The following ADAMTSL1 variants were observed in gnomAD, a reference collection of about 807,000 sequenced individuals.
ADAMTSL1 encodes the protein ADAMTS like 1.
A neutral mutation model predicts 201.8 loss-of-function variants in ADAMTSL1; 126 were observed. The observed-to-expected ratio is 0.62, with a 90% confidence interval of 0.54 to 0.72. The LOEUF is 0.72. ADAMTSL1 is among the 30% of genes least tolerant of loss of function. The probability of loss-of-function intolerance (pLI) is 0.00; values close to 1 mark genes in which losing one functional copy is unlikely to be tolerated. For synonymous variants in ADAMTSL1, 1,121 were observed against 903.4 expected, an observed-to-expected ratio of 1.24 and a Z score of -4.32; for missense variants, 2,679 against 2,277.8, an observed-to-expected ratio of 1.18 and a Z score of -3.59.
intron 4 of ADAMTSL1, among the ~76,000 whole-genome samples, chr9:18,616,833 A>T (rs1286750544): frequency 6.6e-6 from 1 of 152,154 alleles, no homozygotes; most frequent in Admixed American, 6.5e-5. Context: ...TCTTTTTATT[A>T]TTTAATGAAA....
At chr9:18,378,901 C>T (rs777610304) in intron 2 of ADAMTSL1, among the ~76,000 whole-genome samples, 2 of 152,112 alleles carry the variant, frequency 1.3e-5, no homozygotes, top group African/African-American at 4.8e-5. Context: ...GATAGAGTAA[C>T]GTCCTTGGAA....
At chr9:18,844,064 T>G (rs946665186) in intron 23 of ADAMTSL1, among the ~76,000 whole-genome samples, 3 of 152,258 alleles carry the variant, frequency 2.0e-5, no homozygotes, top group Non-Finnish European at 4.4e-5. Flanking sequence ...CCAGCTTTGT[T>G]CCATTGCTGG....
At chr9:18,348,065 A>C (rs1835802477) in intron 2 of ADAMTSL1, among the ~76,000 whole-genome samples, 1 of 152,224 alleles carries the variant, frequency 6.6e-6, no homozygotes, top group African/African-American at 2.4e-5. Context: ...CTTCCTTCCA[A>C]AATAGACCCG....
chr9:18,622,465 C>T (rs992147040), intron 5 of ADAMTSL1, 96 bp downstream of exon 5: 39 of 1,544,566 alleles, frequency 2.5e-5, no homozygotes, highest in Non-Finnish European at 3.2e-5. Context: ...ACAACACCTC[C>T]ACCAAAACGA....
At chr9:18,094,922 C>T (rs575456286) in intron 1 of ADAMTSL1, among the ~76,000 whole-genome samples, 1 of 152,226 alleles carries the variant, frequency 6.6e-6, no homozygotes, top group South Asian at 2.1e-4. Context: ...GCAAATGCCA[C>T]CTAAATCTAA....
intron 4 of ADAMTSL1, among the ~76,000 whole-genome samples, chr9:18,594,857 G>T (rs2132501671): frequency 6.6e-6 from 1 of 152,100 alleles, no homozygotes; most frequent in African/African-American, 2.4e-5. Context: ...GAATGTTCTT[G>T]GTGCTTGTGA....
Position 18,865,146 on chromosome 9 carries a change from C to T in ADAMTSL1, c.4250-22685C>T, listed in dbSNP as rs187328336. On this transcript the variant is annotated intron_variant, in intron 23 of 28. Transcript: ENST00000380548. ...TGTTGGTGTGCTGCACCCATTAACT[C>T]GTCATTTAACATTAGGTATATCTCC... Among the ~76,000 whole-genome samples the T allele has an allele frequency of 3.2e-3, 494 of 152,164 alleles. 4 individuals carry two copies. Among genetic ancestry groups the T allele is most frequent in the African/African-American group, 0.011 (452 of 41,492 alleles).
At chr9:18,140,617 G>T (rs904083354) in intron 1 of ADAMTSL1, among the ~76,000 whole-genome samples, 3 of 152,188 alleles carry the variant, frequency 2.0e-5, no homozygotes, top group African/African-American at 2.4e-5. Flanking sequence ...CAGAAGGAAA[G>T]GAGGTGTTCC....
intron 2 of ADAMTSL1, chr9:18,362,092 T>C (rs1477759026): frequency 2.6e-5 from 4 of 152,194 alleles, no homozygotes; most frequent in Admixed American, 1.3e-4. Context: ...CCATTTGAAA[T>C]TTCTCACTGT....
intron 4 of ADAMTSL1, among the ~76,000 whole-genome samples, chr9:18,603,552 A>G (rs923806197): frequency 2.6e-5 from 4 of 152,206 alleles, no homozygotes; most frequent in African/African-American, 4.8e-5. Flanking sequence ...GCTGGTATTT[A>G]GGGCAGAGGC....
At chr9:18,172,196 C>A (rs561901612) in intron 2 of ADAMTSL1, among the ~76,000 whole-genome samples, 1 of 151,880 alleles carries the variant, frequency 6.6e-6, no homozygotes, top group African/African-American at 2.4e-5. Context: ...TTGATGGGTG[C>A]AGCAAACAAC....
intron 2 of ADAMTSL1, among the ~76,000 whole-genome samples, chr9:18,314,725 C>T (rs1400188933): frequency 1.4e-5 from 2 of 148,016 alleles, no homozygotes; most frequent in East Asian, 2.0e-4. Context: ...AAGAACAAAG[C>T]TTCCACAGCG....
At chr9:18,292,044 G>C (rs1007144778) in intron 2 of ADAMTSL1, among the ~76,000 whole-genome samples, 26 of 152,126 alleles carry the variant, frequency 1.7e-4, no homozygotes, top group Non-Finnish European at 3.5e-4. Context: ...GCAGAGCTGA[G>C]ACTCAGAAGC....
At chr9:18,523,356 A>C (rs1818822799) in intron 2 of ADAMTSL1, among the ~76,000 whole-genome samples, 1 of 151,810 alleles carries the variant, frequency 6.6e-6, no homozygotes, top group African/African-American at 2.4e-5. Flanking sequence ...TTGTCAGATG[A>C]GTAGGTTGCA....
chr9:18,214,038 A>C (rs973523962), intron 2 of ADAMTSL1, among the ~76,000 whole-genome samples: 4 of 152,276 alleles, frequency 2.6e-5, no homozygotes, highest in Non-Finnish European at 4.4e-5. Context: ...CCCCTCGCCC[A>C]AAGAAATTTA....
intron 23 of ADAMTSL1, among the ~76,000 whole-genome samples, chr9:18,868,996 A>G (rs967429531): frequency 1.3e-5 from 2 of 152,234 alleles, no homozygotes; most frequent in African/African-American, 4.8e-5. Flanking sequence ...AGATAAGGTC[A>G]TTCATATGGA....
chr9:18,031,313 G>A (rs182109838), intron 1 of ADAMTSL1, among the ~76,000 whole-genome samples: 155 of 152,130 alleles, frequency 1.0e-3, no homozygotes, highest in Non-Finnish European at 1.8e-3. Flanking sequence ...GTTTTCATGG[G>A]GCTTTTTGTT....
chr9:18,035,048 A>G (rs1203913127), intron 1 of ADAMTSL1, among the ~76,000 whole-genome samples: 1 of 152,140 alleles, frequency 6.6e-6, no homozygotes, highest in Non-Finnish European at 1.5e-5. Context: ...CACCTCAACT[A>G]TGGAGGACTT....
chr9:18,453,252 C>T (rs905225863), intron 2 of ADAMTSL1, among the ~76,000 whole-genome samples: 21 of 152,220 alleles, frequency 1.4e-4, no homozygotes, highest in East Asian at 9.7e-4. Flanking sequence ...AGAGCAGAGA[C>T]CCAAGGTAGC....
Sources: gnomAD v4.1 joint callset for allele counts (sites outside exome capture counted in the v4.1 genomes callset) on GRCh38, gnomAD v4.1.1 for gene constraint, MANE v1.5 for transcripts, NCBI Gene and HGNC (gene_info 2026-07-23, HGNC 2026-07-21) for gene names.